The following DST variants were observed in gnomAD, a reference collection of about 807,000 sequenced individuals.
The protein encoded by DST is dystonin, also known as bullous pemphigoid antigen.
DST carries 253 observed loss-of-function variants against 875.2 expected under a neutral mutation model. The ratio of observed to expected loss-of-function variants is 0.29; its 90% CI spans 0.26 to 0.32. DST has a LOEUF of 0.32. Among genes scored for constraint, DST ranks in the 10% least tolerant of loss-of-function variants. The pLI is 1.00. For synonymous variants in DST, 3,124 were observed against 3,197.1 expected, an observed-to-expected ratio of 0.98 and a Z score of 0.77; for missense variants, 8,287 against 9,111.6, an observed-to-expected ratio of 0.91 and a Z score of 3.68.
Position 56,604,095 on chromosome 6 carries a change from A to G in DST, c.10533T>C (p.Phe3511=), listed in dbSNP as rs1252686020. Residue 3511 remains phenylalanine, a synonymous_variant, in exon 40 of 104, where the codon TTT becomes TTC. Coordinates refer to ENST00000680361, the MANE Select transcript of DST (RefSeq NM_001374736.1). ...YSEKIEHVGD[F]NQKACSTSEM... ...CAGATGTAGAACATGCTTTTTGATT[A>G]AAGTCTCCAACATGTTCTATTTTCT... The G allele has an allele frequency of 1.3e-6, 2 of 1,578,176 alleles. No homozygotes were observed. Among genetic ancestry groups the G allele is most frequent in the East Asian group, 2.3e-5 (1 of 43,910 alleles).
intron 4 of DST, among the ~76,000 whole-genome samples, chr6:56,764,580 C>T (rs2099627922): frequency 6.6e-6 from 1 of 152,148 alleles, no homozygotes; most frequent in African/African-American, 2.4e-5. Context: ...AGTAAACACA[C>T]TGCCTAGCTG....
At chr6:56,724,969 T>TACACAC (rs113129301) in intron 5 of DST, among the ~76,000 whole-genome samples, 1,655 of 151,438 alleles carry the variant, frequency 0.011, 33 homozygotes, top group African/African-American at 0.038. Flanking sequence ...CAGGCTGTTT[T>TACACAC]ACACACACAC....
At chr6:56,764,210 T>C (rs1487046435) in intron 4 of DST, among the ~76,000 whole-genome samples, 3 of 151,572 alleles carry the variant, frequency 2.0e-5, no homozygotes, top group East Asian at 1.9e-4. Context: ...GAACCTCTCT[T>C]CCCAGTTTTT....
chr6:56,598,431 A>T (rs2098412874), intron 46 of DST, 45 bp downstream of exon 46: 2 of 1,168,402 alleles, frequency 1.7e-6, no homozygotes, highest in Non-Finnish European at 2.3e-6. Flanking sequence ...GTAGCTGTTA[A>T]GCTTTTTGAC....
rs2097353582 is a variant in DST, at chr6:56,553,599, T to C, written c.15193A>G (p.Met5065Val). 6.2e-7 allele frequency: 1 copy of C among 1,613,768 alleles called. No homozygotes were observed. The highest frequency in any genetic ancestry group is 8.5e-7 in the Non-Finnish European group (1 of 1,179,856). The change falls in exon 61 of 104, where the codon ATG becomes GTG. Residue 5065 changes from methionine to valine, a missense_variant. Around this residue, in one of 10 missense-constraint regions of DST, gnomAD observed 1,513 missense variants for 1,677.8 expected, o/e 0.90. Coordinates refer to ENST00000680361, the MANE Select transcript of DST (RefSeq NM_001374736.1). ...ACASSHQFQQ[M>V]SRDFQAWLDT... ...AGCCAAGCCTGAAAATCTCTAGACA[T>C]TTGCTGAAATTGATGAGAGCTTGCA...
At chr6:56,772,686 C>T (rs1470612480) in intron 4 of DST, among the ~76,000 whole-genome samples, 2 of 152,042 alleles carry the variant, frequency 1.3e-5, no homozygotes, top group African/African-American at 4.8e-5. Flanking sequence ...AGAGGATGCC[C>T]CAAAACAACA....
At chr6:56,640,116 A>G in intron 18 of DST, 27 bp downstream of exon 18, 1 of 1,613,366 alleles carries the variant, frequency 6.2e-7, no homozygotes, top group Non-Finnish European at 8.5e-7. Context: ...AGACTGAAAC[A>G]CTCAGGTAAA....
chr6:56,806,081 G>A (rs1163756988), intron 4 of DST, among the ~76,000 whole-genome samples: 1 of 152,162 alleles, frequency 6.6e-6, no homozygotes, highest in African/African-American at 2.4e-5. Context: ...GAATTCATAA[G>A]ACTGAGAATA....
intron 13 of DST, among the ~76,000 whole-genome samples, chr6:56,647,992 G>A (rs2098953720): frequency 6.6e-6 from 1 of 152,028 alleles, no homozygotes; most frequent in Non-Finnish European, 1.5e-5. Context: ...GGCCTATAAT[G>A]GCTTTTATAT....
At chr6:56,854,718 T>A (rs935372067) in intron 3 of DST, among the ~76,000 whole-genome samples, 4 of 152,140 alleles carry the variant, frequency 2.6e-5, no homozygotes, top group Admixed American at 6.6e-5. Context: ...GTAAAAAGAT[T>A]TTATGTCAAG....
intron 3 of DST, among the ~76,000 whole-genome samples, chr6:56,867,502 A>C (rs1053623121): frequency 2.0e-5 from 3 of 152,228 alleles, no homozygotes; most frequent in African/African-American, 7.2e-5. Context: ...TAAAAACAGG[A>C]AATAATGATA....
intron 2 of DST, among the ~76,000 whole-genome samples, chr6:56,935,251 C>T (rs1408193458): frequency 6.6e-6 from 1 of 152,106 alleles, no homozygotes; most frequent in African/African-American, 2.4e-5. Context: ...TCAAGAGAGT[C>T]TAAACAATTA....
intron 3 of DST, among the ~76,000 whole-genome samples, chr6:56,898,270 G>A (rs574929648): frequency 6.6e-6 from 1 of 152,298 alleles, no homozygotes; most frequent in Admixed American, 6.5e-5. Context: ...CCGAGCATGA[G>A]TCAGTCTCAA....
At position 56,734,595 on chromosome 6, in the gene DST, A is replaced by C. The variant is rs371399343; in HGVS notation, c.687+633T>G. Among the ~76,000 whole-genome samples the C allele has an allele frequency of 2.0e-5, 3 of 152,336 alleles. No individual in the cohort carries two copies. In the South Asian group the frequency reaches 6.2e-4, roughly 32 times the overall value. On this transcript the variant is annotated intron_variant, in intron 5 of 103. Transcript: ENST00000680361. Reference sequence around the variant, plus strand: ...TACACAAGATTTACAGAAGGGCTTCAATAGGGTCCAATAACTCCACGAAAT... The same window carrying C: ...TACACAAGATTTACAGAAGGGCTTCCATAGGGTCCAATAACTCCACGAAAT...
chr6:56,536,758 T>G (rs1562630691), intron 62 of DST, 21 bp downstream of exon 62: 1 of 1,510,622 alleles, frequency 6.6e-7, no homozygotes, highest in Admixed American at 2.1e-5. Flanking sequence ...AAAATAGCAA[T>G]GAAGGGGGTG....
intron 55 of DST, among the ~76,000 whole-genome samples, chr6:56,564,047 T>C (rs901450142): frequency 2.0e-5 from 3 of 152,240 alleles, no homozygotes; most frequent in African/African-American, 7.2e-5. Flanking sequence ...TAGGATTGTC[T>C]CGGCTATACG....
At chr6:56,557,292 A>G in intron 59 of DST, 27 bp downstream of exon 59, 1 of 1,595,222 alleles carries the variant, frequency 6.3e-7, no homozygotes, top group Non-Finnish European at 8.5e-7. Context: ...GCTATGCACG[A>G]GAGACAGGTT....
chr6:56,932,320 T>C (rs539977972), intron 2 of DST, among the ~76,000 whole-genome samples: 1 of 152,300 alleles, frequency 6.6e-6, no homozygotes, highest in Non-Finnish European at 1.5e-5. Context: ...TCCCCAGCCA[T>C]GTGAACTTTA....
At chr6:56,789,245 G>A (rs553914594) in intron 4 of DST, among the ~76,000 whole-genome samples, 10 of 152,162 alleles carry the variant, frequency 6.6e-5, no homozygotes, top group African/African-American at 2.4e-4. Context: ...GAGGCAGGAG[G>A]ATCATTTGAG....
Sources: allele counts gnomAD v4.1 joint callset (sites outside exome capture counted in the v4.1 genomes callset), GRCh38; gene constraint gnomAD v4.1.1; regional missense constraint gnomAD v4.1.1; transcripts MANE v1.5; gene names NCBI Gene and HGNC (gene_info 2026-07-23, HGNC 2026-07-21).